The following AOX1 variants were observed in gnomAD, a reference collection of about 807,000 sequenced individuals.
AOX1 encodes the protein aldehyde oxidase.
AOX1 carries 153 observed loss-of-function variants against 169.5 expected under a neutral mutation model. That is an observed-to-expected ratio of 0.90 (90% CI 0.79 to 1.03). The LOEUF (loss-of-function observed/expected upper bound fraction) is 1.03. Ranked by LOEUF, AOX1 falls within the 50% of genes least tolerant of loss-of-function variation. AOX1 has a pLI of 0.00. For synonymous variants in AOX1, 562 were observed against 581.9 expected, an observed-to-expected ratio of 0.97 and a Z score of 0.49; for missense variants, 1,656 against 1,663.9, an observed-to-expected ratio of 1.00 and a Z score of 0.08.
At chr2:200,640,349 G>C (rs902313403) in intron 23 of AOX1, among the ~76,000 whole-genome samples, 1 of 152,136 alleles carries the variant, frequency 6.6e-6, no homozygotes, top group African/African-American at 2.4e-5. Flanking sequence ...AGATGCTTTG[G>C]GGAGGGTAAC....
chr2:200,650,809 A>G (rs2035564095), intron 25 of AOX1, among the ~76,000 whole-genome samples, 165 bp from the exon 26 acceptor site: 1 of 152,236 alleles, frequency 6.6e-6, no homozygotes. Context: ...CTCTGAGTAG[A>G]GGAAGAGGAC....
intron 26 of AOX1, among the ~76,000 whole-genome samples, chr2:200,654,476 C>A (rs974789615): frequency 6.6e-6 from 1 of 152,186 alleles, no homozygotes; most frequent in South Asian, 2.1e-4. Flanking sequence ...CTTGTATGCA[C>A]TGGGAAACAA....
intron 7 of AOX1, 56 bp from the exon 8 acceptor site, chr2:200,603,961 A>T: frequency 8.2e-7 from 1 of 1,220,686 alleles, no homozygotes; most frequent in Non-Finnish European, 1.2e-6. Context: ...ACCTTATTCC[A>T]CAAAGGATTT....
chr2:200,624,109 A>G (rs1559243643), intron 19 of AOX1, 126 bp downstream of exon 19: 1 of 1,115,152 alleles, frequency 9.0e-7, no homozygotes, highest in Non-Finnish European at 1.3e-6. Flanking sequence ...GACTTTATTA[A>G]CCTCTAACCA....
chr2:200,669,554 G>A, intron 33 of AOX1, 21 bp from the exon 34 acceptor site: 2 of 1,613,452 alleles, frequency 1.2e-6, no homozygotes, highest in African/African-American at 1.3e-5. Context: ...GTATAATCTA[G>A]TTGGCATGCT....
At chr2:200,620,199 CTTTTT>C (rs34887452) in intron 16 of AOX1, among the ~76,000 whole-genome samples, 3 of 130,804 alleles carry the variant, frequency 2.3e-5, no homozygotes, top group African/African-American at 5.7e-5. Context: ...TTAATAGTGA[CTTTTT>C]TTTTTTTTTT....
In AOX1 at chr2:200,663,574, T is replaced by A. The variant is rs77720039; in HGVS notation, c.3543+605T>A. On this transcript the variant is annotated intron_variant, in intron 31 of 34. Coordinates refer to ENST00000374700, the MANE Select transcript of AOX1 (RefSeq NM_001159.4). ...CACACACACACACACACACACACAC[T>A]CTCTCTCTCTCTCTCTCTCTCTCCC... 5.8e-3 allele frequency among the ~76,000 whole-genome samples: 570 copies of A among 98,610 alleles called. 1 individual carries two copies. The highest frequency in any genetic ancestry group is 0.02 in the African/African-American group (451 of 22,242). 64.7% of individuals were successfully genotyped at this position (98,610 alleles called of 152,430 possible). A position where few individuals can be genotyped will look rare whatever the true frequency, so the allele number is the denominator to read the frequency against.
intron 6 of AOX1, 24 bp from the exon 7 acceptor site, chr2:200,603,243 A>C: frequency 1.3e-6 from 2 of 1,590,058 alleles, no homozygotes; most frequent in Non-Finnish European, 1.7e-6. Flanking sequence ...ATAAATTCCT[A>C]GTGATTTGTT....
intron 26 of AOX1, among the ~76,000 whole-genome samples, chr2:200,654,231 A>AAAAAC (rs1377732857): frequency 3.9e-4 from 55 of 141,012 alleles, no homozygotes; most frequent in Middle Eastern, 3.6e-3. Context: ...AAAAAAAAAA[A>AAAAAC]AACAGAAAAG....
At position 200,612,310 on chromosome 2, in the gene AOX1, G is replaced by T. The variant is rs1391675970; in HGVS notation, c.1264-299G>T. 7.3e-4 allele frequency among the ~76,000 whole-genome samples: 111 copies of T among 152,140 alleles called. 2 individuals are homozygous for T. The highest frequency in any genetic ancestry group is 7.2e-3 in the Admixed American group (110 of 15,274). On this transcript the variant is annotated intron_variant, in intron 13 of 34. Transcript: ENST00000374700. ...GGGAATAATCAAGCCTGCCTCAGAG[G>T]ATGTATTAGTTTGCTAGGGCTACCA...
Position 200,599,542 on chromosome 2 carries a change from G to C in AOX1, c.310-78G>C, listed in dbSNP as rs953897413. On this transcript the variant is annotated intron_variant, in intron 4 of 34. Coordinates refer to ENST00000374700, the MANE Select transcript of AOX1 (RefSeq NM_001159.4). ...TGCAGACAAATCACCTGGGGATCTT[G>C]CTAGAATGCAGGCTCTAATTCATTA... 5.1e-6 allele frequency: 6 copies of C among 1,178,058 alleles called. No individual in the cohort carries two copies. In the African/African-American group the frequency reaches 9.5e-5, roughly 19 times the overall value. The allele number at this position is 1,178,058 out of a possible 1,614,324, so 73.0% of individuals were successfully genotyped here.
chr2:200,676,612 AAAAAGAAG>A (rs2036102740), intron 4 of AOX1, among the ~76,000 whole-genome samples: 1 of 151,774 alleles, frequency 6.6e-6, no homozygotes, highest in African/African-American at 2.4e-5. Context: ...AAAAAAAAAA[AAAAAGAAG>A]AAGAAGAAGA....
Position 200,602,337 on chromosome 2 carries a change from T to C in AOX1, c.490T>C (p.Phe164Leu), listed in dbSNP as rs1320375188. The C allele has an allele frequency of 6.2e-7, 1 of 1,613,610 alleles. No homozygotes were observed. Among genetic ancestry groups the C allele is most frequent in the East Asian group, 2.2e-5 (1 of 44,848 alleles). Residue 164 changes from phenylalanine to leucine, a missense_variant, in exon 6 of 35, where the codon TTC becomes CTC. Physicochemically the swap from Phe to Leu is conservative, Grantham distance 22. Transcript: ENST00000374700. ...GCCCATAATTGATGCATGCAAGACT[T>C]TCTGTAAAGTAAGTGGAAAGGACCA... is the stretch of plus-strand genomic sequence containing the variant. ...YRPIIDACKT[F>L]CKTSGCCQSK...
At chr2:200,639,160 C>T (rs1347762453) in intron 23 of AOX1, among the ~76,000 whole-genome samples, 1 of 152,194 alleles carries the variant, frequency 6.6e-6, no homozygotes, top group African/African-American at 2.4e-5. Context: ...CCATATTGGA[C>T]AGTGCAGACG....
intron 3 of AOX1, among the ~76,000 whole-genome samples, chr2:200,596,659 G>A (rs10204846): frequency 6.6e-6 from 1 of 152,168 alleles, no homozygotes; most frequent in South Asian, 2.1e-4. Flanking sequence ...TTTAAGGCAG[G>A]TTCCTTTTCC....
downstream of AOX1, among the ~76,000 whole-genome samples, chr2:200,671,844 C>T (rs1463084247): frequency 6.6e-6 from 1 of 152,096 alleles, no homozygotes; most frequent in Non-Finnish European, 1.5e-5. Flanking sequence ...AACATATATT[C>T]ACCCAAAAAT....
downstream of AOX1, among the ~76,000 whole-genome samples, chr2:200,672,482 G>A (rs1332401507): frequency 1.3e-5 from 2 of 152,156 alleles, no homozygotes; most frequent in African/African-American, 4.8e-5. Context: ...AAGTCACATG[G>A]ATCTCTGCCT....
At chr2:200,654,408 C>T (rs2035643246) in intron 26 of AOX1, among the ~76,000 whole-genome samples, 1 of 152,112 alleles carries the variant, frequency 6.6e-6, no homozygotes, top group Non-Finnish European at 1.5e-5. Context: ...AAAATATGTA[C>T]AATCTTTTTA....
In AOX1 at chr2:200,617,260, CAT is replaced by C. The variant is rs527434102; in HGVS notation, c.1704+1199_1704+1200del. On this transcript the variant is annotated intron_variant, in intron 16 of 34. Transcript: ENST00000374700. Reference sequence around the variant, plus strand: ...TTTTGCCCGTGGTTTTTCACACACACATACAAACATCCACATTGCTAGAGCAA... The same window carrying C: ...TTTTGCCCGTGGTTTTTCACACACACACAAACATCCACATTGCTAGAGCAA... Among the ~76,000 whole-genome samples, 534 of 152,254 alleles carry C rather than the reference CAT, an allele frequency of 3.5e-3. 4 individuals are homozygous for C. Among genetic ancestry groups the C allele is most frequent in the African/African-American group, 0.012 (507 of 41,552 alleles).
Sources: allele counts gnomAD v4.1 joint callset (sites outside exome capture counted in the v4.1 genomes callset), GRCh38; gene constraint gnomAD v4.1.1; transcripts MANE v1.5; gene names NCBI Gene and HGNC (gene_info 2026-07-23, HGNC 2026-07-21).